Variants in OPRM1 observed in about 807,000 individuals in gnomAD.
OPRM1 encodes opioid receptor mu 1.
Under a neutral mutation model 31.8 loss-of-function variants are expected in OPRM1, and 27 were observed. The observed-to-expected ratio is 0.85, with a 90% CI of 0.63 to 1.17. The LOEUF is 1.17. OPRM1 is among the 50% of genes most tolerant of loss of function. The probability of loss-of-function intolerance (pLI) is 0.00; values close to 1 mark genes in which losing one functional copy is unlikely to be tolerated. For synonymous variants in OPRM1, 196 were observed against 189.9 expected, an observed-to-expected ratio of 1.03 and a Z score of -0.26; for missense variants, 536 against 511.1, an observed-to-expected ratio of 1.05 and a Z score of -0.47.
rs1192593496 is a variant in OPRM1 at position 154,168,898 on chromosome 6, G to A, written c.1164+77426G>A. 2.7e-5 allele frequency among the ~76,000 whole-genome samples: 4 copies of A among 150,942 alleles called. No homozygotes were observed. The highest frequency in any genetic ancestry group is 4.4e-5 in the Non-Finnish European group (3 of 67,816). On this transcript the variant is annotated intron_variant, in intron 3 of 3. Transcript: ENST00000337049. This position sits in a 1 kb window ranked among gnomAD's most constrained non-coding sequence, Gnocchi z 4.1. ...TGGGATTACAGGTGTGAGCCACCAC[G>A]CCCAGCCCAACATATGAATTTTAGA...
At chr6:154,114,784 C>A (rs1293238686) in intron 3 of OPRM1, among the ~76,000 whole-genome samples, 7 of 151,256 alleles carry the variant, frequency 4.6e-5, no homozygotes, top group Non-Finnish European at 7.4e-5. Context: ...TACAAGGCTG[C>A]TACATTGAGA....
At chr6:154,148,656 T>G (rs146504088) in intron 3 of OPRM1, among the ~76,000 whole-genome samples, 18 of 152,298 alleles carry the variant, frequency 1.2e-4, no homozygotes, top group African/African-American at 4.3e-4. Context: ...CACAGGTACC[T>G]CCACAAGGCT....
chr6:154,036,788 GGGT>G (rs1446481434), upstream of OPRM1, among the ~76,000 whole-genome samples: 10 of 150,956 alleles, frequency 6.6e-5, no homozygotes, highest in Admixed American at 2.6e-4. Context: ...GCCATTATCT[GGGT>G]ATAATGGCAT....
At chr6:154,170,078 T>C (rs1401067591) in intron 3 of OPRM1, among the ~76,000 whole-genome samples, 2 of 152,188 alleles carry the variant, frequency 1.3e-5, no homozygotes, top group Admixed American at 6.5e-5. Context: ...TCCAATCATA[T>C]GCACCTGGAA....
chr6:154,118,979 C>A lies in OPRM1; in HGVS notation c.*258C>A. On this transcript the variant is annotated 3_prime_UTR_variant, in exon 4 of 4. Transcript: ENST00000330432. ...GCAAGACACCCAGTGGAACCAAAAC[C>A]CATCGTGGTATGTGAATTGAAGTCA... 8.1e-7 allele frequency: 1 copy of A among 1,231,434 alleles called. No homozygotes were observed. The highest frequency in any genetic ancestry group is 1.0e-6 in the Non-Finnish European group (1 of 984,584). The allele number at this position is 1,231,434 out of a possible 1,614,324, so 76.3% of individuals were successfully genotyped here.
At chr6:154,095,581 G>T (rs188257442) in intron 3 of OPRM1, among the ~76,000 whole-genome samples, 6 of 152,142 alleles carry the variant, frequency 3.9e-5, no homozygotes, top group African/African-American at 1.4e-4. Context: ...TTACATTCAT[G>T]GTTGTTTTCT....
chr6:154,079,558 TAAG>T (rs954028958), intron 1 of OPRM1, among the ~76,000 whole-genome samples: 1 of 152,116 alleles, frequency 6.6e-6, no homozygotes. Flanking sequence ...GAGTGCTCTG[TAAG>T]AAGACGATAG....
chr6:154,103,803 C>G (rs2128507072), intron 3 of OPRM1, among the ~76,000 whole-genome samples: 1 of 152,192 alleles, frequency 6.6e-6, no homozygotes, highest in East Asian at 1.9e-4. Flanking sequence ...TGAGGACAAC[C>G]AGGGGTCACT....
intron 3 of OPRM1, among the ~76,000 whole-genome samples, chr6:154,217,736 T>A (rs1778528441): frequency 6.6e-6 from 1 of 152,112 alleles, no homozygotes; most frequent in Non-Finnish European, 1.5e-5. Flanking sequence ...ACAATAACAA[T>A]TTTTAGCTTA....
chr6:154,031,614 G>A (rs767876093), intron 1 of OPRM1, among the ~76,000 whole-genome samples: 1 of 152,006 alleles, frequency 6.6e-6, no homozygotes, highest in Admixed American at 6.5e-5. Context: ...AGTCGTGCAC[G>A]CCTGTAATTC....
downstream of OPRM1, among the ~76,000 whole-genome samples, chr6:154,136,655 A>G (rs973042416): frequency 6.6e-6 from 1 of 152,162 alleles, no homozygotes; most frequent in African/African-American, 2.4e-5. Flanking sequence ...GACAGTGCCC[A>G]AGACAGTGTC....
Position 154,127,570 on chromosome 6 carries a change from T to C in OPRM1, c.*8849T>C, listed in dbSNP as rs1344345167. Among the ~76,000 whole-genome samples, 4 of 152,212 alleles carry C rather than the reference T, an allele frequency of 2.6e-5. No individual in the cohort carries two copies. Among genetic ancestry groups the C allele is most frequent in the African/African-American group, 7.2e-5 (3 of 41,452 alleles). ...AGGAGGTCCACACCACCAATTGAGATGTACCTGTGCTCATGACTTGACATT... is the reference window on the plus strand; with the variant it reads ...AGGAGGTCCACACCACCAATTGAGACGTACCTGTGCTCATGACTTGACATT... On this transcript the variant is annotated 3_prime_UTR_variant, in exon 4 of 4. Coordinates refer to ENST00000330432, the MANE Select transcript of OPRM1 (RefSeq NM_000914.5).
intron 3 of OPRM1, among the ~76,000 whole-genome samples, chr6:154,151,938 G>T (rs1798509361): frequency 6.6e-6 from 1 of 152,096 alleles, no homozygotes; most frequent in African/African-American, 2.4e-5. Flanking sequence ...ACTTTGGGAG[G>T]CTGAGGTGGG....
At chr6:154,228,835 C>G (rs1779476403) in intron 3 of OPRM1, among the ~76,000 whole-genome samples, 1 of 152,198 alleles carries the variant, frequency 6.6e-6, no homozygotes, top group South Asian at 2.1e-4. Context: ...CTGCAGTGAG[C>G]TGAGATGGTG....
chr6:154,186,790 T>C (rs568822530), intron 3 of OPRM1, among the ~76,000 whole-genome samples: 1 of 151,922 alleles, frequency 6.6e-6, no homozygotes, highest in Non-Finnish European at 1.5e-5. Flanking sequence ...TCTCCTGACC[T>C]CGTGATCCAC....
chr6:154,121,205 T>C lies in OPRM1; in HGVS notation c.*2484T>C, dbSNP rs1246122845. Among the ~76,000 whole-genome samples the C allele has an allele frequency of 6.6e-6, 1 of 152,208 alleles. No individual in the cohort carries two copies. Among genetic ancestry groups the C allele is most frequent in the Non-Finnish European group, 1.5e-5 (1 of 68,030 alleles). ...GTTGGTATCCCAGAAATGCAGACTG[T>C]AGCTATGGGGCGGAAGCTTTGTTTC... On this transcript the variant is annotated 3_prime_UTR_variant, in exon 4 of 4. Transcript: ENST00000330432.
chr6:154,208,356 C>A (rs894660142), intron 3 of OPRM1, among the ~76,000 whole-genome samples: 5 of 152,214 alleles, frequency 3.3e-5, no homozygotes, highest in African/African-American at 1.2e-4. Context: ...TCTCACACCA[C>A]CTTTCAAGGT....
intron 1 of OPRM1, among the ~76,000 whole-genome samples, chr6:154,014,055 A>G (rs1777872890): frequency 1.3e-5 from 2 of 152,190 alleles, no homozygotes; most frequent in South Asian, 2.1e-4. Flanking sequence ...TGCATCTACC[A>G]TGGCGTGGAT....
At position 154,118,844 on chromosome 6, in the gene OPRM1, C is replaced by A; in HGVS notation, c.*123C>A. The A allele has an allele frequency of 2.0e-6, 3 of 1,520,516 alleles. No homozygotes were observed. Among genetic ancestry groups the A allele is most frequent in the Non-Finnish European group, 2.6e-6 (3 of 1,142,822 alleles). The allele number at this position is 1,520,516 out of a possible 1,614,324, so 94.2% of individuals were successfully genotyped here. The stretch of plus-strand genomic sequence containing the variant: ...AGGAAAGTGCCTGCTTTTAGGTCAT[C>A]CAACCTCTTTCCTCTCTGGCCACTC... On this transcript the variant is annotated 3_prime_UTR_variant, in exon 4 of 4. Coordinates refer to ENST00000330432, the MANE Select transcript of OPRM1 (RefSeq NM_000914.5).
Sources: allele counts gnomAD v4.1 joint callset (sites outside exome capture counted in the v4.1 genomes callset), GRCh38; gene constraint gnomAD v4.1.1; non-coding constraint Gnocchi (gnomAD v3.1); transcripts MANE v1.5; gene names NCBI Gene and HGNC (gene_info 2026-07-23, HGNC 2026-07-21).